Variants in CPVL observed in about 807,000 individuals in gnomAD.
CPVL encodes the protein carboxypeptidase vitellogenic like.
CPVL carries 51 observed loss-of-function variants against 63.7 expected under a neutral mutation model. That is an observed-to-expected ratio of 0.80 (90% confidence interval 0.64 to 1.01). The LOEUF is 1.01. Ranked by LOEUF, CPVL falls within the 50% of genes least tolerant of loss-of-function variation. The pLI is 0.00. For synonymous variants in CPVL, 195 were observed against 206.0 expected (o/e 0.95, Z 0.46); for missense variants, 530 against 573.1 (o/e 0.92, Z 0.77).
chr7:29,179,944 A>C (rs2128740861), intron 5 of CPVL, among the ~76,000 whole-genome samples: 1 of 152,358 alleles, frequency 6.6e-6, no homozygotes, highest in Admixed American at 6.5e-5. Flanking sequence ...TACATTGCTA[A>C]GCATTCTATT....
At chr7:29,060,069 T>C (rs1055712598) in intron 11 of CPVL, among the ~76,000 whole-genome samples, 6 of 152,214 alleles carry the variant, frequency 3.9e-5, no homozygotes, top group Non-Finnish European at 8.8e-5. Flanking sequence ...CATTCTTTTT[T>C]ATTTTTGTGT....
chr7:29,137,154 C>T (rs140097113), intron 1 of CPVL, among the ~76,000 whole-genome samples: 120 of 152,288 alleles, frequency 7.9e-4, no homozygotes, highest in Middle Eastern at 6.8e-3. Context: ...ACCTGGGGTT[C>T]GCCATCTCAT....
At chr7:29,063,682 C>T (rs568172468) in intron 11 of CPVL, among the ~76,000 whole-genome samples, 5 of 152,208 alleles carry the variant, frequency 3.3e-5, no homozygotes, top group East Asian at 1.9e-4. Context: ...GTGATTCTCA[C>T]GCCTCAACCT....
intron 6 of CPVL, among the ~76,000 whole-genome samples, chr7:29,087,865 T>A (rs67251227): frequency 0.14 from 21,587 of 152,288 alleles, 2,134 homozygotes; most frequent in East Asian, 0.42. Context: ...TCGGTGTATT[T>A]CTGTATTCAT....
At chr7:29,133,026 T>C (rs1339786687) in intron 1 of CPVL, among the ~76,000 whole-genome samples, 2 of 152,126 alleles carry the variant, frequency 1.3e-5, no homozygotes, top group African/African-American at 2.4e-5. Flanking sequence ...ACACAGCTAA[T>C]GCAAGGGCAA....
intron 3 of CPVL, among the ~76,000 whole-genome samples, chr7:29,106,215 G>A (rs1158864664): frequency 6.6e-6 from 1 of 152,150 alleles, no homozygotes; most frequent in Non-Finnish European, 1.5e-5. Context: ...AGCACACGGT[G>A]TCCACACTGG....
At chr7:29,121,141 G>A (rs1254520541) in intron 1 of CPVL, 70 bp from the exon 2 acceptor site, 4 of 1,377,152 alleles carry the variant, frequency 2.9e-6, no homozygotes, top group Non-Finnish European at 2.9e-6. Context: ...TTACATGCAA[G>A]AAATTCATTT....
intron 1 of CPVL, among the ~76,000 whole-genome samples, chr7:29,190,069 A>G (rs1782695642): frequency 6.6e-6 from 1 of 152,252 alleles, no homozygotes; most frequent in Non-Finnish European, 1.5e-5. Context: ...TCCTGAGGAA[A>G]CAGCGGGTTT....
intron 12 of CPVL, among the ~76,000 whole-genome samples, chr7:29,025,624 A>C (rs1787418687): frequency 6.6e-6 from 1 of 152,238 alleles, no homozygotes; most frequent in Non-Finnish European, 1.5e-5. Flanking sequence ...GCAAAGACAC[A>C]TACAGACTGA....
At chr7:29,062,587 T>C (rs768028700) in intron 11 of CPVL, among the ~76,000 whole-genome samples, 5 of 152,268 alleles carry the variant, frequency 3.3e-5, no homozygotes, top group Middle Eastern at 3.4e-3. Flanking sequence ...GACCCAGAAA[T>C]GGGCCTCCTA....
At chr7:29,091,211 G>A (rs556281850) in intron 6 of CPVL, among the ~76,000 whole-genome samples, 67 of 152,278 alleles carry the variant, frequency 4.4e-4, no homozygotes, top group African/African-American at 1.5e-3. Context: ...GTCAGCAGTC[G>A]ACATCCCCAT....
At chr7:29,070,766 G>C (rs1177355154) in intron 9 of CPVL, among the ~76,000 whole-genome samples, 2 of 152,064 alleles carry the variant, frequency 1.3e-5, no homozygotes, top group Non-Finnish European at 2.9e-5. Context: ...ACTGCCTTGG[G>C]GGATTTCTGA....
intron 11 of CPVL, among the ~76,000 whole-genome samples, chr7:29,043,388 T>C (rs1789315725): frequency 6.6e-6 from 1 of 152,198 alleles, no homozygotes; most frequent in Non-Finnish European, 1.5e-5. Flanking sequence ...ATTAGGTTTT[T>C]TGGTGTTGTT....
At chr7:29,167,749 T>C (rs1796095366) in intron 5 of CPVL, among the ~76,000 whole-genome samples, 1 of 152,236 alleles carries the variant, frequency 6.6e-6, no homozygotes, top group South Asian at 2.1e-4. Context: ...TTGTTTTCCC[T>C]AAACATTTCC....
At chr7:29,077,972 G>A (rs1190190487) in intron 7 of CPVL, among the ~76,000 whole-genome samples, 1 of 152,206 alleles carries the variant, frequency 6.6e-6, no homozygotes, top group Admixed American at 6.5e-5. Context: ...AGAGAGAAGT[G>A]TGGCCTTAAA....
chr7:29,021,876 C>G (rs551419277), intron 12 of CPVL, among the ~76,000 whole-genome samples: 2 of 152,116 alleles, frequency 1.3e-5, no homozygotes, highest in Non-Finnish European at 2.9e-5. Flanking sequence ...CAGACACCCC[C>G]CTACATCTAC....
intron 9 of CPVL, among the ~76,000 whole-genome samples, chr7:29,066,343 T>A (rs1366970749): frequency 1.3e-5 from 2 of 152,202 alleles, no homozygotes; most frequent in Admixed American, 6.5e-5. Flanking sequence ...ATGGAGCTTT[T>A]ATTCTGGTGG....
At chr7:29,166,997 C>T (rs1479211778) in intron 5 of CPVL, among the ~76,000 whole-genome samples, 1 of 151,964 alleles carries the variant, frequency 6.6e-6, no homozygotes, top group Non-Finnish European at 1.5e-5. Context: ...TTTTTGCATG[C>T]ATAGAGTACA....
At chr7:29,103,180 T>TGGCG (rs1787348158) in intron 3 of CPVL, among the ~76,000 whole-genome samples, 2 of 56,152 alleles carry the variant, frequency 3.6e-5, no homozygotes, top group Non-Finnish European at 7.1e-5. Flanking sequence ...GTTAATATAC[T>TGGCG]GGGGGGGGGG....
Sources: allele counts gnomAD v4.1 joint callset (sites outside exome capture counted in the v4.1 genomes callset), GRCh38; gene constraint gnomAD v4.1.1; transcripts MANE v1.5; gene names NCBI Gene and HGNC (gene_info 2026-07-23, HGNC 2026-07-21).